The following GPR39 variants were observed in gnomAD, a reference collection of about 807,000 sequenced individuals.
GPR39 encodes the protein G protein-coupled receptor 39.
In GPR39, 23 loss-of-function variants were observed where a neutral mutation model predicts 18.4. That is an observed-to-expected ratio of 1.25 (90% CI 0.90 to 1.77). The LOEUF is 1.77. Among genes scored for constraint, GPR39 ranks in the 40% most tolerant of loss-of-function variants. The probability of loss-of-function intolerance (pLI) is 0.00; values close to 1 mark genes in which losing one functional copy is unlikely to be tolerated. For synonymous variants in GPR39, 280 were observed against 257.9 expected, an observed-to-expected ratio of 1.09 and a Z score of -0.82; for missense variants, 647 against 602.4, an observed-to-expected ratio of 1.07 and a Z score of -0.78.
chr2:132,416,898 T>C lies in GPR39; in HGVS notation c.-145T>C, dbSNP rs1558792236. 6 of 1,088,112 alleles carry C rather than the reference T, an allele frequency of 5.5e-6. No homozygotes were observed. The highest frequency in any genetic ancestry group is 5.2e-6 in the Non-Finnish European group (4 of 765,438). 67.4% of individuals were successfully genotyped at this position (1,088,112 alleles called of 1,614,324 possible). ...GTTTCCATGAAAGCACCTGAAATAC[T>C]AAGTTACCTTCGCGAGGAGAACTCG... On this transcript the variant is annotated 5_prime_UTR_variant, in exon 1 of 2. Transcript: ENST00000329321.
At chr2:132,522,210 A>G (rs1679438024) in intron 1 of GPR39, among the ~76,000 whole-genome samples, 1 of 152,126 alleles carries the variant, frequency 6.6e-6, no homozygotes, top group Admixed American at 6.5e-5. Flanking sequence ...TCTTGAGGGG[A>G]GATGCCCTCT....
At chr2:132,606,805 C>A (rs949546366) in intron 1 of GPR39, among the ~76,000 whole-genome samples, 1 of 152,092 alleles carries the variant, frequency 6.6e-6, no homozygotes, top group African/African-American at 2.4e-5. Flanking sequence ...GGGGACAGAG[C>A]GGGAAGGTGG....
In GPR39 at chr2:132,569,461, C is replaced by T. The variant is rs576675058; in HGVS notation, c.857-75640C>T. Among the ~76,000 whole-genome samples, 88 of 152,180 alleles carry T rather than the reference C, an allele frequency of 5.8e-4. 5 individuals are homozygous for T. Among genetic ancestry groups the T allele is most frequent in the African/African-American group, 2.1e-3 (86 of 41,468 alleles). On this transcript the variant is annotated intron_variant, in intron 1 of 1. Transcript: ENST00000329321. ...TGGTCGTGCAAAGGCTGTGTCTGAG[C>T]AGCGGGACCACACCTCCCTTAAGGC... is the stretch of plus-strand genomic sequence containing the variant.
At chr2:132,620,759 T>G (rs993367057) in intron 1 of GPR39, among the ~76,000 whole-genome samples, 5 of 152,102 alleles carry the variant, frequency 3.3e-5, no homozygotes, top group African/African-American at 7.2e-5. Flanking sequence ...TTTTTATTTA[T>G]TTAGTTATTT....
intron 1 of GPR39, among the ~76,000 whole-genome samples, chr2:132,581,770 A>G (rs1269926108): frequency 6.6e-6 from 1 of 152,210 alleles, no homozygotes; most frequent in Non-Finnish European, 1.5e-5. Context: ...GGGAAGAATT[A>G]TCACCTTCAA....
intron 1 of GPR39, among the ~76,000 whole-genome samples, chr2:132,546,314 T>G (rs1403195787): frequency 6.6e-6 from 1 of 152,136 alleles, no homozygotes; most frequent in Non-Finnish European, 1.5e-5. Flanking sequence ...TAAGAACCAC[T>G]GGTTTATAAC....
chr2:132,518,008 T>C (rs1679363377), intron 1 of GPR39, among the ~76,000 whole-genome samples: 1 of 152,232 alleles, frequency 6.6e-6, no homozygotes, highest in Non-Finnish European at 1.5e-5. Flanking sequence ...GCACTATAAA[T>C]GTATTGGCAT....
intron 1 of GPR39, among the ~76,000 whole-genome samples, chr2:132,518,520 G>A (rs2104764710): frequency 6.6e-6 from 1 of 152,284 alleles, no homozygotes; most frequent in African/African-American, 2.4e-5. Flanking sequence ...CCGTTCATGG[G>A]CTCTGTGACA....
intron 1 of GPR39, among the ~76,000 whole-genome samples, chr2:132,521,044 T>C (rs1679416462): frequency 6.6e-6 from 1 of 152,184 alleles, no homozygotes; most frequent in African/African-American, 2.4e-5. Flanking sequence ...GCCAGCACAG[T>C]GTTTACCCCT....
intron 1 of GPR39, among the ~76,000 whole-genome samples, chr2:132,485,686 T>G (rs761276087): frequency 3.8e-4 from 58 of 152,246 alleles, no homozygotes; most frequent in Admixed American, 9.8e-4. Flanking sequence ...TGAATGAGAT[T>G]GTGGCAATTC....
chr2:132,499,713 CGTTT>C (rs1167223062), intron 1 of GPR39, among the ~76,000 whole-genome samples: 2 of 151,948 alleles, frequency 1.3e-5, no homozygotes, highest in Admixed American at 6.6e-5. Context: ...GATATGTTTC[CGTTT>C]GTTTGTGTTG....
chr2:132,524,526 G>C (rs542059933), intron 1 of GPR39, among the ~76,000 whole-genome samples: 2 of 152,284 alleles, frequency 1.3e-5, no homozygotes, highest in East Asian at 3.9e-4. Flanking sequence ...TTTTCTCTGT[G>C]TCTCTCATTT....
chr2:132,601,308 A>C (rs963877208), intron 1 of GPR39, among the ~76,000 whole-genome samples: 5 of 152,234 alleles, frequency 3.3e-5, no homozygotes, highest in Non-Finnish European at 7.4e-5. Flanking sequence ...ATGGTTTAAC[A>C]CACACAAATC....
chr2:132,499,583 A>AT (rs1164032637), intron 1 of GPR39, among the ~76,000 whole-genome samples: 1 of 151,402 alleles, frequency 6.6e-6, no homozygotes, highest in Admixed American at 6.6e-5. Context: ...GAATTTTAGG[A>AT]TTGTTTTTCC....
chr2:132,531,311 A>G (rs563966191), intron 1 of GPR39, among the ~76,000 whole-genome samples: 1 of 152,364 alleles, frequency 6.6e-6, no homozygotes, highest in Non-Finnish European at 1.5e-5. Flanking sequence ...TAACTATCCT[A>G]AATATATATG....
At chr2:132,599,480 C>T (rs1223634850) in intron 1 of GPR39, among the ~76,000 whole-genome samples, 1 of 152,146 alleles carries the variant, frequency 6.6e-6, no homozygotes, top group Non-Finnish European at 1.5e-5. Flanking sequence ...TTTTTCTCTG[C>T]ACGAGGTGAA....
intron 1 of GPR39, among the ~76,000 whole-genome samples, chr2:132,543,955 TAC>T (rs543236892): frequency 5.2e-4 from 79 of 152,264 alleles, no homozygotes; most frequent in South Asian, 2.5e-3. Flanking sequence ...ATAAACCAAT[TAC>T]ACAGAGGTTA....
At chr2:132,529,909 A>G (rs1003844555) in intron 1 of GPR39, among the ~76,000 whole-genome samples, 28 of 152,150 alleles carry the variant, frequency 1.8e-4, no homozygotes, top group Non-Finnish European at 3.2e-4. Flanking sequence ...GGGAAAAAAC[A>G]GAGCAGAAAA....
chr2:132,442,996 A>C (rs996807885), intron 1 of GPR39, among the ~76,000 whole-genome samples: 11 of 152,222 alleles, frequency 7.2e-5, no homozygotes. Context: ...TAAAATGAAT[A>C]AAAATTAGCT....
Sources: allele counts gnomAD v4.1 joint callset (sites outside exome capture counted in the v4.1 genomes callset), GRCh38; gene constraint gnomAD v4.1.1; transcripts MANE v1.5; gene names NCBI Gene and HGNC (gene_info 2026-07-23, HGNC 2026-07-21).